Variants in RUSC2 observed in about 807,000 individuals in gnomAD.
RUSC2 encodes the protein RUN and SH3 domain containing 2, also known as AP-4 complex accessory subunit RUSC2.
RUSC2 carries 34 observed loss-of-function variants against 122.2 expected under a neutral mutation model. The ratio of observed to expected loss-of-function variants is 0.28; its 90% CI spans 0.21 to 0.37. RUSC2 has a LOEUF of 0.37. Among genes scored for constraint, RUSC2 ranks in the 10% least tolerant of loss-of-function variants. The probability of loss-of-function intolerance (pLI) is 1.00; values close to 1 mark genes in which losing one functional copy is unlikely to be tolerated. For missense variants in RUSC2, 1,747 were observed against 1,952.4 expected, an observed-to-expected ratio of 0.89 and a Z score of 1.98; for synonymous variants, 784 against 790.0, an observed-to-expected ratio of 0.99 and a Z score of 0.13.
intron 2 of RUSC2, among the ~76,000 whole-genome samples, chr9:35,551,268 C>T (rs1821888630): frequency 6.6e-6 from 1 of 152,182 alleles, no homozygotes; most frequent in South Asian, 2.1e-4. Context: ...GCAGGGATAG[C>T]AGAGGCTCAC....
intron 1 of RUSC2, among the ~76,000 whole-genome samples, chr9:35,509,619 T>G (rs1820977809): frequency 6.6e-6 from 1 of 152,176 alleles, no homozygotes. Context: ...GAGGTAGTAT[T>G]CCTATTGAAA....
At chr9:35,545,416 A>C (rs996753744) in intron 1 of RUSC2, among the ~76,000 whole-genome samples, 5 of 152,248 alleles carry the variant, frequency 3.3e-5, no homozygotes, top group Non-Finnish European at 7.3e-5. Context: ...AGCAGGCCAC[A>C]CTGCCACGGT....
chr9:35,531,170 A>G (rs1160370339), intron 1 of RUSC2, among the ~76,000 whole-genome samples: 1 of 152,052 alleles, frequency 6.6e-6, no homozygotes, highest in Admixed American at 6.5e-5. Context: ...CTGAGGCAGG[A>G]GAATGGCATG....
intron 1 of RUSC2, among the ~76,000 whole-genome samples, chr9:35,519,209 T>C (rs1343057867): frequency 6.6e-6 from 1 of 152,212 alleles, no homozygotes; most frequent in Non-Finnish European, 1.5e-5. Context: ...GCCCTAGATT[T>C]GGGCAGTAAC....
chr9:35,548,891 G>A lies in RUSC2; in HGVS notation c.2014+356G>A, dbSNP rs1243914454. 2.0e-6 allele frequency: 1 copy of A among 507,612 alleles called. No individual in the cohort carries two copies. The highest frequency in any genetic ancestry group is 2.5e-6 in the Non-Finnish European group (1 of 393,454). The allele number at this position is 507,612 out of a possible 1,614,324, so 31.4% of individuals were successfully genotyped here. A position where few individuals can be genotyped will look rare whatever the true frequency, so the allele number is the denominator to read the frequency against. Reference sequence around the variant, plus strand: ...CTAAAATAAAAAATAAACTAGCCAGGAGTGGTAGCACCCACCTGTAATCCC... The same window carrying A: ...CTAAAATAAAAAATAAACTAGCCAGAAGTGGTAGCACCCACCTGTAATCCC... On this transcript the variant is annotated intron_variant, in intron 2 of 11. Coordinates refer to ENST00000361226, the MANE Select transcript of RUSC2 (RefSeq NM_014806.5). The surrounding 1 kb of genome is among the most constrained non-coding windows in gnomAD (Gnocchi z 4.5).
In RUSC2 at chr9:35,534,419, TACACAC is replaced by T. The variant is rs55836338; in HGVS notation, c.-92-11977_-92-11972del. Reference sequence around the variant, plus strand: ...GTGAGACCCCCATCTCTACAAATAATACACACACACACACACACACACACACACACA... The same window carrying T: ...GTGAGACCCCCATCTCTACAAATAATACACACACACACACACACACACACA... On this transcript the variant is annotated intron_variant, in intron 1 of 11. Coordinates refer to ENST00000361226, the MANE Select transcript of RUSC2 (RefSeq NM_014806.5). Among the ~76,000 whole-genome samples, 254 of 141,014 alleles carry T rather than the reference TACACAC, an allele frequency of 1.8e-3. 1 individual carries two copies. Among genetic ancestry groups the T allele is most frequent in the Middle Eastern group, 3.5e-3 (1 of 284 alleles). 92.5% of individuals were successfully genotyped at this position (141,014 alleles called of 152,430 possible). A position where few individuals can be genotyped will look rare whatever the true frequency, so the allele number is the denominator to read the frequency against.
chr9:35,493,950 G>A (rs1820619991), intron 1 of RUSC2, among the ~76,000 whole-genome samples: 1 of 152,168 alleles, frequency 6.6e-6, no homozygotes, highest in Non-Finnish European at 1.5e-5. Context: ...GTACAGATAT[G>A]TTTGAGTCCC....
chr9:35,555,033 G>A lies in RUSC2; in HGVS notation c.2015-27G>A. On this transcript the variant is annotated intron_variant, in intron 2 of 11. Transcript: ENST00000361226. The surrounding 1 kb of genome is among the most constrained non-coding windows in gnomAD (Gnocchi z 4.6). ...ATATGGGTTTCAGTGTCTGTCTACT[G>A]ATTTCTTCTCCATCCCTTTGCTACA... 1 of 1,606,740 alleles carries A rather than the reference G, an allele frequency of 6.2e-7. No homozygotes were observed. Among genetic ancestry groups the A allele is most frequent in the South Asian group, 1.1e-5 (1 of 91,050 alleles).
intron 1 of RUSC2, among the ~76,000 whole-genome samples, chr9:35,543,866 C>T (rs1051277454): frequency 1.3e-5 from 2 of 152,186 alleles, no homozygotes; most frequent in Non-Finnish European, 2.9e-5. Flanking sequence ...TGACTGGCTT[C>T]GATTGTGCCC....
At chr9:35,516,624 T>C (rs1004153826) in intron 1 of RUSC2, among the ~76,000 whole-genome samples, 3 of 152,204 alleles carry the variant, frequency 2.0e-5, no homozygotes, top group Non-Finnish European at 4.4e-5. Context: ...ACAAATAACC[T>C]CAGGATTCTT....
At chr9:35,520,707 T>G (rs1339800029) in intron 1 of RUSC2, among the ~76,000 whole-genome samples, 1 of 152,172 alleles carries the variant, frequency 6.6e-6, no homozygotes, top group African/African-American at 2.4e-5. Flanking sequence ...CATAGGGGCC[T>G]TTTTTGTTCC....
At chr9:35,504,690 C>T (rs1820880065) in intron 1 of RUSC2, among the ~76,000 whole-genome samples, 1 of 152,080 alleles carries the variant, frequency 6.6e-6, no homozygotes, top group Non-Finnish European at 1.5e-5. Flanking sequence ...GTTTTAAATC[C>T]CTGACCTCAA....
intron 1 of RUSC2, among the ~76,000 whole-genome samples, chr9:35,534,976 GTTT>G (rs928299822): frequency 6.9e-6 from 1 of 145,468 alleles, no homozygotes; most frequent in Non-Finnish European, 1.5e-5. Flanking sequence ...GTCAGTTTAT[GTTT>G]TTTTTTTTAT....
chr9:35,501,075 G>T (rs1448855613), intron 1 of RUSC2, among the ~76,000 whole-genome samples: 1 of 152,182 alleles, frequency 6.6e-6, no homozygotes, highest in African/African-American at 2.4e-5. Flanking sequence ...AGAGAATAAA[G>T]AATTTCAAAC....
intron 1 of RUSC2, among the ~76,000 whole-genome samples, chr9:35,511,817 C>T (rs776702420): frequency 8.5e-5 from 13 of 152,168 alleles, no homozygotes; most frequent in Non-Finnish European, 1.6e-4. Flanking sequence ...ATTTTTAACT[C>T]TCCTAAAAGA....
chr9:35,539,558 CACATACAT>C (rs1487720290), intron 1 of RUSC2, among the ~76,000 whole-genome samples: 1 of 120,336 alleles, frequency 8.3e-6, no homozygotes, highest in African/African-American at 2.8e-5. Context: ...TCCACACACA[CACATACAT>C]ACATACATGC....
At position 35,559,325 on chromosome 9, in the gene RUSC2, CA is replaced by C; in HGVS notation, c.3388+57del. On this transcript the variant is annotated intron_variant, in intron 9 of 11. Coordinates refer to ENST00000361226, the MANE Select transcript of RUSC2 (RefSeq NM_014806.5). ...CTCAATGGGTCAGAATTCAGAGGCA[CA>C]AAAGAGGAAGGAAGAGCTGTCTTTT... The C allele has an allele frequency of 1.6e-5, 23 of 1,443,736 alleles. No homozygotes were observed. The South Asian group carries it at 2.6e-4, about 17-fold the overall frequency. The allele number at this position is 1,443,736 out of a possible 1,614,324, so 89.4% of individuals were successfully genotyped here.
intron 1 of RUSC2, among the ~76,000 whole-genome samples, chr9:35,508,841 CAAAAGGAA>C (rs1403816597): frequency 1.3e-5 from 2 of 152,020 alleles, no homozygotes; most frequent in Non-Finnish European, 2.9e-5. Flanking sequence ...GGGACAAAAA[CAAAAGGAA>C]AAGACAGAAA....
At chr9:35,524,746 T>A (rs1032077972) in intron 1 of RUSC2, among the ~76,000 whole-genome samples, 1 of 151,684 alleles carries the variant, frequency 6.6e-6, no homozygotes, top group Admixed American at 6.6e-5. Context: ...CCGAGACGGG[T>A]GGATCACAAG....
Sources: allele counts gnomAD v4.1 joint callset (sites outside exome capture counted in the v4.1 genomes callset), GRCh38; gene constraint gnomAD v4.1.1; non-coding constraint Gnocchi (gnomAD v3.1); transcripts MANE v1.5; gene names NCBI Gene and HGNC (gene_info 2026-07-23, HGNC 2026-07-21).